TBC1D8: variants seen among roughly 807,000 people sequenced by gnomAD.
The protein encoded by TBC1D8 is BUB2-like protein 1.
Under a neutral mutation model 118.8 loss-of-function variants are expected in TBC1D8, and 65 were observed. That is an observed-to-expected ratio of 0.55 (90% CI 0.45 to 0.67). TBC1D8 has a LOEUF of 0.67. Ranked by LOEUF, TBC1D8 falls within the 30% of genes least tolerant of loss-of-function variation. The probability of loss-of-function intolerance (pLI) is 0.00; values close to 1 mark genes in which losing one functional copy is unlikely to be tolerated. For synonymous variants in TBC1D8, 566 were observed against 595.8 expected (o/e 0.95, Z 0.73); for missense variants, 1,376 against 1,471.2 (o/e 0.94, Z 1.06).
At chr2:101,107,506 T>C (rs1416532167) in intron 1 of TBC1D8, among the ~76,000 whole-genome samples, 2 of 152,016 alleles carry the variant, frequency 1.3e-5, no homozygotes, top group African/African-American at 2.4e-5. Flanking sequence ...AGAATCCTAA[T>C]ACAGTTGCAT....
intron 11 of TBC1D8, among the ~76,000 whole-genome samples, chr2:101,031,774 C>T (rs1475770752): frequency 1.3e-5 from 2 of 152,108 alleles, no homozygotes; most frequent in African/African-American, 4.8e-5. Context: ...TTTAACTGAC[C>T]ACATGGGCCT....
rs1160261144 is a variant in TBC1D8, at chr2:101,050,498, T to G, written c.775A>C (p.Met259Leu). The G allele has an allele frequency of 6.2e-7, 1 of 1,613,850 alleles. No individual in the cohort carries two copies. The highest frequency in any genetic ancestry group is 8.5e-7 in the Non-Finnish European group (1 of 1,179,872). Residue 259 changes from methionine to leucine, a missense_variant, in exon 5 of 20, where the codon ATG becomes CTG. By Grantham distance (15) the Met-to-Leu change is conservative. Coordinates refer to ENST00000409318, the MANE Select transcript of TBC1D8 (RefSeq NM_001330348.2). ...FLNLDEVFKV[M>L]EQLADVTLRR... Reference sequence around the variant, plus strand: ...AGCGTCACGTCGGCCAGCTGCTCCATGACCTTAAACACCTCATCCAGGTTC... The same window carrying G: ...AGCGTCACGTCGGCCAGCTGCTCCAGGACCTTAAACACCTCATCCAGGTTC...
intron 1 of TBC1D8, among the ~76,000 whole-genome samples, chr2:101,092,929 C>T (rs1344315100): frequency 6.6e-6 from 1 of 152,076 alleles, no homozygotes; most frequent in Non-Finnish European, 1.5e-5. Context: ...CCTTGAACAA[C>T]ACGGGTTTGA....
intron 2 of TBC1D8, among the ~76,000 whole-genome samples, chr2:101,076,888 G>A (rs930379833): frequency 6.6e-6 from 1 of 152,186 alleles, no homozygotes; most frequent in Non-Finnish European, 1.5e-5. Context: ...CGAGACTCAC[G>A]GTTCTGCAGA....
In TBC1D8 at chr2:101,122,403, A is replaced by AAAAAAAAAAT. The variant is rs1678166675; in HGVS notation, c.127+28723_127+28724insATTTTTTTTT. ...CATTTCAAAAAAAAAAAAAAAAAAA[A>AAAAAAAAAAT]AAAAAAAAGCATGGATAATGCCAGG... On this transcript the variant is annotated intron_variant, in intron 1 of 19. Coordinates refer to ENST00000409318, the MANE Select transcript of TBC1D8 (RefSeq NM_001330348.2). Among the ~76,000 whole-genome samples the AAAAAAAAAAT allele has an allele frequency of 2.6e-4, 36 of 137,288 alleles. No individual in the cohort carries two copies. The South Asian group carries it at 2.8e-3, about 11-fold the overall frequency. 90.1% of individuals were successfully genotyped at this position (137,288 alleles called of 152,430 possible). A position where few individuals can be genotyped will look rare whatever the true frequency, so the allele number is the denominator to read the frequency against.
chr2:101,008,028 T>C lies in TBC1D8; in HGVS notation c.3261A>G (p.Ala1087=). 1 of 1,613,982 alleles carries C rather than the reference T, an allele frequency of 6.2e-7. No homozygotes were observed. Among genetic ancestry groups the C allele is most frequent in the African/African-American group, 1.3e-5 (1 of 75,034 alleles). Residue 1087 remains alanine (A), a synonymous_variant, in exon 20 of 20, where the codon GCA becomes GCG. Coordinates refer to ENST00000409318, the MANE Select transcript of TBC1D8 (RefSeq NM_001330348.2). ...AGTCCCTTTCTGCCGCCTCTGGAAA[T>C]GCCTGGGAGTCCTGGGGCGTCTTCC... ...DTGKTPQDSQ[A]FPEAAERDWT...
intron 1 of TBC1D8, among the ~76,000 whole-genome samples, chr2:101,127,376 A>T (rs897470737): frequency 2.0e-5 from 3 of 148,306 alleles, no homozygotes; most frequent in African/African-American, 7.3e-5. Flanking sequence ...TTCAGGTCCC[A>T]TATGGCCCTA....
chr2:101,122,383 C>CAAAAAAAAAAAA lies in TBC1D8; in HGVS notation c.127+28732_127+28743dup, dbSNP rs70943064. Among the ~76,000 whole-genome samples the CAAAAAAAAAAAA allele has an allele frequency of 1.4e-3, 100 of 71,922 alleles. 4 individuals are homozygous for CAAAAAAAAAAAA. The highest frequency in any genetic ancestry group is 2.0e-3 in the Non-Finnish European group (71 of 35,808). 47.2% of individuals were successfully genotyped at this position (71,922 alleles called of 152,430 possible). A position where few individuals can be genotyped will look rare whatever the true frequency, so the allele number is the denominator to read the frequency against. ...ACCGCGCCCGGCCAAGACTCCATTT[C>CAAAAAAAAAAAA]AAAAAAAAAAAAAAAAAAAAAAAAA... On this transcript the variant is annotated intron_variant, in intron 1 of 19. Transcript: ENST00000409318.
intron 2 of TBC1D8, among the ~76,000 whole-genome samples, chr2:101,078,940 C>T (rs1452198096): frequency 1.3e-5 from 2 of 151,918 alleles, no homozygotes; most frequent in Non-Finnish European, 2.9e-5. Flanking sequence ...AAGGCTCTAG[C>T]ATATGTCACA....
rs1682973235 is a variant in TBC1D8, at chr2:101,065,649, CTA to C, written c.284-6112_284-6111del. On this transcript the variant is annotated intron_variant, in intron 2 of 19. Coordinates refer to ENST00000409318, the MANE Select transcript of TBC1D8 (RefSeq NM_001330348.2). ...GATTTTCAGTCGGGTATATTTCTCA[CTA>C]TAGAGTTTAAGAAAATAAGCTTTAA... Among the ~76,000 whole-genome samples the C allele has an allele frequency of 2.0e-5, 3 of 152,200 alleles. No individual in the cohort carries two copies. In the South Asian group the frequency reaches 6.2e-4, roughly 32 times the overall value.
intron 1 of TBC1D8, among the ~76,000 whole-genome samples, chr2:101,097,406 T>G (rs1429289457): frequency 6.6e-6 from 1 of 152,170 alleles, no homozygotes; most frequent in Non-Finnish European, 1.5e-5. Context: ...ATAAAATATT[T>G]TATTTTTCTT....
chr2:101,050,669 T>C (rs773644589), intron 4 of TBC1D8, 28 bp from the exon 5 acceptor site: 2 of 1,601,342 alleles, frequency 1.2e-6, no homozygotes, highest in East Asian at 2.2e-5. Flanking sequence ...GAAATACCTA[T>C]TATGCCATGA....
chr2:101,117,874 C>CTT lies in TBC1D8; in HGVS notation c.128-27512_128-27511dup, dbSNP rs35760018. On this transcript the variant is annotated intron_variant, in intron 1 of 19. Transcript: ENST00000409318. ...ACAGGCGTGAGCCACCGCACCCGGC[C>CTT]TTTTTTTTTTTTTTTTTTTTTAACC... Among the ~76,000 whole-genome samples the CTT allele has an allele frequency of 1.5e-3, 176 of 116,160 alleles. 1 individual carries two copies. Among genetic ancestry groups the CTT allele is most frequent in the East Asian group, 8.9e-3 (34 of 3,836 alleles). 76.2% of individuals were successfully genotyped at this position (116,160 alleles called of 152,430 possible).
At chr2:101,027,581 T>A (rs1680410446) in intron 14 of TBC1D8, 130 bp from the exon 15 acceptor site, 1 of 751,634 alleles carries the variant, frequency 1.3e-6, no homozygotes, top group Non-Finnish European at 2.3e-6. Context: ...CCACAAAGGC[T>A]CTTTTCTGAC....
chr2:101,095,366 G>A (rs1044753348), intron 1 of TBC1D8, among the ~76,000 whole-genome samples: 11 of 149,338 alleles, frequency 7.4e-5, no homozygotes, highest in Admixed American at 6.0e-4. Flanking sequence ...TCGTCATTTA[G>A]CATTAGGTAT....
rs1573106621 is a variant in TBC1D8 at position 101,138,835 on chromosome 2, A to T, written c.127+12292T>A. ...CACCACCTGAGCATGACTGATCATT[A>T]ATCTCCAGCCCCTGCTCCTTCCCAG... On this transcript the variant is annotated intron_variant, in intron 1 of 19. Transcript: ENST00000409318. 3.3e-5 allele frequency among the ~76,000 whole-genome samples: 5 copies of T among 152,248 alleles called. 1 individual carries two copies. The highest frequency in any genetic ancestry group is 3.3e-4 in the Admixed American group (5 of 15,304).
intron 2 of TBC1D8, among the ~76,000 whole-genome samples, chr2:101,074,444 C>T (rs190654896): frequency 1.2e-4 from 19 of 152,282 alleles, no homozygotes; most frequent in East Asian, 5.8e-4. Context: ...CACATTCCAA[C>T]GCTGTTGGAA....
intron 3 of TBC1D8, among the ~76,000 whole-genome samples, chr2:101,054,675 T>C (rs1312641618): frequency 1.6e-5 from 1 of 64,436 alleles, no homozygotes; most frequent in Non-Finnish European, 3.1e-5. Context: ...TTCTTTTCTT[T>C]TTTTTTTTTT....
intron 3 of TBC1D8, among the ~76,000 whole-genome samples, chr2:101,058,613 A>G (rs1682575220): frequency 6.6e-6 from 1 of 152,186 alleles, no homozygotes; most frequent in Admixed American, 6.5e-5. Context: ...GATACCTCCA[A>G]AAATATTCCT....
Sources: allele counts gnomAD v4.1 joint callset (sites outside exome capture counted in the v4.1 genomes callset), GRCh38; gene constraint gnomAD v4.1.1; transcripts MANE v1.5; gene names NCBI Gene and HGNC (gene_info 2026-07-23, HGNC 2026-07-21).